The following SEMA6D variants were observed in gnomAD, a reference collection of about 807,000 sequenced individuals.
SEMA6D encodes semaphorin-6D.
Under a neutral mutation model 106.6 loss-of-function variants are expected in SEMA6D, and 35 were observed. That is an observed-to-expected ratio of 0.33 (90% confidence interval 0.25 to 0.44). The LOEUF is 0.44. SEMA6D is among the 20% of genes least tolerant of loss of function. The pLI, the probability that SEMA6D is intolerant of heterozygous loss-of-function variation, is 1.00. For synonymous variants in SEMA6D, 499 were observed against 487.7 expected, an observed-to-expected ratio of 1.02 and a Z score of -0.31; for missense variants, 1,185 against 1,345.9, an observed-to-expected ratio of 0.88 and a Z score of 1.87.
At chr15:47,239,844 T>C (rs2032793649) in intron 1 of SEMA6D, among the ~76,000 whole-genome samples, 2 of 152,188 alleles carry the variant, frequency 1.3e-5, no homozygotes, top group African/African-American at 4.8e-5. Flanking sequence ...TCCTGTCTCA[T>C]TGTAAATTCT....
chr15:47,535,412 C>G (rs2045128968), intron 3 of SEMA6D, among the ~76,000 whole-genome samples: 1 of 152,146 alleles, frequency 6.6e-6, no homozygotes, highest in Non-Finnish European at 1.5e-5. Flanking sequence ...GGTATGCACT[C>G]AGTTTGCTTC....
intron 1 of SEMA6D, among the ~76,000 whole-genome samples, chr15:47,327,252 A>G (rs1297931000): frequency 2.6e-5 from 4 of 152,344 alleles, no homozygotes; most frequent in African/African-American, 9.6e-5. Flanking sequence ...TAACTCATAG[A>G]TTTATTATAA....
At chr15:47,569,236 A>G (rs1351925107) in intron 3 of SEMA6D, among the ~76,000 whole-genome samples, 1 of 152,118 alleles carries the variant, frequency 6.6e-6, no homozygotes, top group African/African-American at 2.4e-5. Flanking sequence ...ATTAAATTAA[A>G]TGTGATTCTG....
At chr15:47,208,818 A>G (rs1237143115) in intron 1 of SEMA6D, among the ~76,000 whole-genome samples, 1 of 152,154 alleles carries the variant, frequency 6.6e-6, no homozygotes, top group African/African-American at 2.4e-5. Context: ...GTCCTATAAC[A>G]TCTTTGGGCT....
intron 1 of SEMA6D, among the ~76,000 whole-genome samples, chr15:47,260,830 C>G (rs913561378): frequency 1.3e-5 from 2 of 152,124 alleles, no homozygotes; most frequent in Non-Finnish European, 1.5e-5. Context: ...ATTGATCCCT[C>G]TTGCTAGTGG....
At chr15:47,585,365 A>G (rs1238205912) in intron 3 of SEMA6D, among the ~76,000 whole-genome samples, 1 of 152,206 alleles carries the variant, frequency 6.6e-6, no homozygotes, top group Non-Finnish European at 1.5e-5. Flanking sequence ...CTGTTGGTAA[A>G]TACCACAACA....
chr15:47,420,878 C>CA (rs1024555016), intron 2 of SEMA6D, among the ~76,000 whole-genome samples: 11 of 151,810 alleles, frequency 7.2e-5, no homozygotes, highest in African/African-American at 1.9e-4. Flanking sequence ...TTCTCTAGAA[C>CA]AAAAAAATGT....
chr15:47,292,726 GT>G (rs2035642570), intron 1 of SEMA6D, among the ~76,000 whole-genome samples: 2 of 152,148 alleles, frequency 1.3e-5, no homozygotes, highest in African/African-American at 2.4e-5. Context: ...CGTATATTGT[GT>G]AGTCCATGAA....
intron 4 of SEMA6D, among the ~76,000 whole-genome samples, chr15:47,682,563 C>G (rs1463832810): frequency 6.6e-6 from 1 of 152,178 alleles, no homozygotes; most frequent in Non-Finnish European, 1.5e-5. Context: ...GAATTGGTAA[C>G]CTCAGTGACC....
chr15:47,400,027 T>A (rs1470091519), intron 1 of SEMA6D, among the ~76,000 whole-genome samples: 2 of 152,228 alleles, frequency 1.3e-5, no homozygotes, highest in Non-Finnish European at 2.9e-5. Flanking sequence ...TTGAATAATT[T>A]TATTTTTATG....
At chr15:47,521,367 T>C (rs2044571562) in intron 3 of SEMA6D, among the ~76,000 whole-genome samples, 1 of 152,194 alleles carries the variant, frequency 6.6e-6, no homozygotes, top group South Asian at 2.1e-4. Context: ...CACTTGCATT[T>C]CTGAGGGTTG....
chr15:47,662,468 T>C (rs141397737), intron 4 of SEMA6D, among the ~76,000 whole-genome samples: 1 of 152,294 alleles, frequency 6.6e-6, no homozygotes, highest in African/African-American at 2.4e-5. Context: ...TGACAGTGTT[T>C]TACAATCAGA....
chr15:47,393,382 G>A (rs912972511), intron 1 of SEMA6D: 1 of 152,160 alleles, frequency 6.6e-6, no homozygotes. Flanking sequence ...TTTCTTTTCT[G>A]TGAAAGTCTT....
chr15:47,593,505 G>A (rs2076479986), intron 3 of SEMA6D, among the ~76,000 whole-genome samples: 1 of 150,740 alleles, frequency 6.6e-6, no homozygotes, highest in South Asian at 2.1e-4. Flanking sequence ...AAGTCCCTGG[G>A]TTTGGACGAT....
intron 1 of SEMA6D, among the ~76,000 whole-genome samples, chr15:47,756,218 G>A (rs1482846810): frequency 6.6e-6 from 1 of 152,094 alleles, no homozygotes; most frequent in Non-Finnish European, 1.5e-5. Context: ...CTCTTTTTTG[G>A]AGGCCTGTAC....
chr15:47,720,003 C>T (rs1032846594), intron 1 of SEMA6D, among the ~76,000 whole-genome samples: 2 of 152,136 alleles, frequency 1.3e-5, no homozygotes, highest in Non-Finnish European at 2.9e-5. Context: ...ATAAATAAAC[C>T]ATAGTTCAGC....
At chr15:47,287,960 G>C (rs1349350382) in intron 1 of SEMA6D, among the ~76,000 whole-genome samples, 1 of 152,076 alleles carries the variant, frequency 6.6e-6, no homozygotes, top group Non-Finnish European at 1.5e-5. Flanking sequence ...AGGGGGAGAT[G>C]GTTTTTCACA....
intron 3 of SEMA6D, among the ~76,000 whole-genome samples, chr15:47,503,689 T>TCACACACA (rs142397320): frequency 0.07 from 10,352 of 148,630 alleles, 550 homozygotes; most frequent in East Asian, 0.28. Context: ...TCTCTCTCTG[T>TCACACACA]CACACACACA....
At chr15:47,674,960 C>T (rs989365502) in intron 4 of SEMA6D, among the ~76,000 whole-genome samples, 1 of 152,088 alleles carries the variant, frequency 6.6e-6, no homozygotes, top group Non-Finnish European at 1.5e-5. Context: ...CCTCCTGGCT[C>T]AGTGATCTAA....
Sources: gnomAD v4.1 joint callset for allele counts (sites outside exome capture counted in the v4.1 genomes callset) on GRCh38, gnomAD v4.1.1 for gene constraint, MANE v1.5 for transcripts, NCBI Gene and HGNC (gene_info 2026-07-23, HGNC 2026-07-21) for gene names.